Variants in FAT3 observed in about 807,000 individuals in gnomAD.
FAT3 encodes the protein FAT atypical cadherin 3, also known as protocadherin Fat 3.
In FAT3, 95 loss-of-function variants were observed where a neutral mutation model predicts 310.2. That is an observed-to-expected ratio of 0.31 (90% CI 0.26 to 0.36). The LOEUF (loss-of-function observed/expected upper bound fraction) is 0.36. Among genes scored for constraint, FAT3 ranks in the 10% least tolerant of loss-of-function variants. The pLI is 1.00. For synonymous variants in FAT3, 2,314 were observed against 2,192.9 expected (o/e 1.06, Z -1.54); for missense variants, 5,408 against 5,715.6 (o/e 0.95, Z 1.74).
chr11:92,590,669 CT>C (rs1362981715), intron 3 of FAT3, among the ~76,000 whole-genome samples: 1 of 152,110 alleles, frequency 6.6e-6, no homozygotes, highest in Non-Finnish European at 1.5e-5. Context: ...GAAAAATCCT[CT>C]ACTTTGTAAT....
chr11:92,400,859 C>G (rs1949998275), intron 2 of FAT3, among the ~76,000 whole-genome samples: 1 of 152,006 alleles, frequency 6.6e-6, no homozygotes, highest in South Asian at 2.1e-4. Flanking sequence ...TAAGTATGTA[C>G]AGATACTCAC....
At position 92,800,875 on chromosome 11, in the gene FAT3, A is replaced by G; in HGVS notation, c.7862A>G (p.Gln2621Arg). The G allele has an allele frequency of 1.2e-5, 20 of 1,613,358 alleles. No homozygotes were observed. The highest frequency in any genetic ancestry group is 1.7e-5 in the Non-Finnish European group (20 of 1,179,682). The part of the protein sequence containing the change: ...ADVGRGHLVT[Q>R]VQAIDPDDGA... ...GTTGGAAGGGGCCACTTGGTCACTC[A>G]AGTTCAAGCCATAGATCCCGATGAT... The change falls in exon 10 of 28, where the codon CAA (glutamine) becomes CGA (arginine). Residue 2621 changes from glutamine (Q) to arginine (R), a missense_variant. Transcript: ENST00000525166.
intron 2 of FAT3, among the ~76,000 whole-genome samples, chr11:92,368,464 G>A (rs910961914): frequency 7.9e-5 from 12 of 152,126 alleles, no homozygotes; most frequent in African/African-American, 2.4e-5. Flanking sequence ...TTCTGTGTCT[G>A]TGAGTTTTGT....
chr11:92,261,379 T>C (rs1170230696), intron 1 of FAT3, among the ~76,000 whole-genome samples: 8 of 152,208 alleles, frequency 5.3e-5, no homozygotes, highest in African/African-American at 1.9e-4. Context: ...GCATTGTTTG[T>C]AGACTGAATG....
chr11:92,545,225 G>T (rs1235962740), intron 3 of FAT3, among the ~76,000 whole-genome samples: 1 of 152,078 alleles, frequency 6.6e-6, no homozygotes, highest in Non-Finnish European at 1.5e-5. Context: ...CCTCTAACAA[G>T]ATCTTCCTTG....
At chr11:92,231,397 G>A (rs11019878) in intron 1 of FAT3, among the ~76,000 whole-genome samples, 9 of 152,268 alleles carry the variant, frequency 5.9e-5, no homozygotes, top group African/African-American at 1.9e-4. Flanking sequence ...TACCTTGGAC[G>A]TTCTCTATGA....
At position 92,602,281 on chromosome 11, in the gene FAT3, G is replaced by C. The variant is rs527275081; in HGVS notation, c.3607+77333G>C. 5.3e-5 allele frequency among the ~76,000 whole-genome samples: 8 copies of C among 152,116 alleles called. 1 individual carries two copies. The highest frequency in any genetic ancestry group is 1.4e-4 in the African/African-American group (6 of 41,514). On this transcript the variant is annotated intron_variant, in intron 3 of 27. Transcript: ENST00000525166. ...TAGAAGGTTTAGGGTTTTCAGTAGA[G>C]GGTTTACTTCAGAGTTTCACCATGT...
intron 3 of FAT3, among the ~76,000 whole-genome samples, chr11:92,526,861 T>A (rs1229479466): frequency 6.6e-6 from 1 of 152,214 alleles, no homozygotes; most frequent in African/African-American, 2.4e-5. Flanking sequence ...ATATATAGCA[T>A]ACCTTGTAGT....
chr11:92,851,488 G>A (rs1486408135), intron 19 of FAT3, among the ~76,000 whole-genome samples: 1 of 152,072 alleles, frequency 6.6e-6, no homozygotes, highest in East Asian at 1.9e-4. Context: ...ATTAGCCAGG[G>A]CCAAAATCCA....
At chr11:92,720,929 A>G (rs1944841711) in intron 4 of FAT3, among the ~76,000 whole-genome samples, 1 of 152,160 alleles carries the variant, frequency 6.6e-6, no homozygotes, top group Admixed American at 6.6e-5. Flanking sequence ...ATGTTATAGC[A>G]TTCATTTCTT....
intron 19 of FAT3, among the ~76,000 whole-genome samples, 153 bp from the exon 20 acceptor site, chr11:92,857,061 A>G (rs1948997754): frequency 6.6e-6 from 1 of 152,218 alleles, no homozygotes; most frequent in Admixed American, 6.5e-5. Flanking sequence ...AGGTGTGCCT[A>G]CTTCTGAGTG....
intron 4 of FAT3, among the ~76,000 whole-genome samples, chr11:92,742,715 G>A (rs1309166469): frequency 6.6e-6 from 1 of 152,172 alleles, no homozygotes; most frequent in South Asian, 2.1e-4. Context: ...CTGGCCACAT[G>A]ATGGCACCTT....
chr11:92,547,002 TA>T (rs759525551), intron 3 of FAT3, among the ~76,000 whole-genome samples: 3 of 152,208 alleles, frequency 2.0e-5, no homozygotes, highest in Non-Finnish European at 4.4e-5. Flanking sequence ...ATTCACATAA[TA>T]CGTAAGGTCT....
At chr11:92,288,224 A>G (rs932845319) in intron 1 of FAT3, among the ~76,000 whole-genome samples, 2 of 152,190 alleles carry the variant, frequency 1.3e-5, no homozygotes, top group Admixed American at 1.3e-4. Flanking sequence ...GGAAGTCACA[A>G]AAAAACAAAT....
At chr11:92,282,827 T>C (rs575053333) in intron 1 of FAT3, among the ~76,000 whole-genome samples, 5 of 152,158 alleles carry the variant, frequency 3.3e-5, no homozygotes, top group Non-Finnish European at 7.4e-5. Flanking sequence ...CTGTAAACGA[T>C]TGTTTACTTA....
chr11:92,565,566 T>C (rs988148749), intron 3 of FAT3, among the ~76,000 whole-genome samples: 5 of 151,424 alleles, frequency 3.3e-5, no homozygotes, highest in African/African-American at 4.9e-5. Context: ...ATACCAAAGC[T>C]GGGCAGAGAA....
At chr11:92,262,036 G>A (rs1031698407) in intron 1 of FAT3, among the ~76,000 whole-genome samples, 1 of 151,252 alleles carries the variant, frequency 6.6e-6, no homozygotes, top group African/African-American at 2.4e-5. Flanking sequence ...ATGGACTCTA[G>A]CATTGTTCCC....
intron 4 of FAT3, among the ~76,000 whole-genome samples, chr11:92,712,242 CCT>C (rs1272506732): frequency 2.0e-5 from 3 of 152,018 alleles, no homozygotes; most frequent in African/African-American, 7.2e-5. Flanking sequence ...AAGAGCAGCC[CCT>C]GTCTCCCGCC....
At chr11:92,292,323 T>A (rs1946713864) in intron 1 of FAT3, among the ~76,000 whole-genome samples, 1 of 152,214 alleles carries the variant, frequency 6.6e-6, no homozygotes, top group East Asian at 1.9e-4. Flanking sequence ...CATTAAGTTA[T>A]TTTTTAATGA....
Sources: gnomAD v4.1 joint callset for allele counts (sites outside exome capture counted in the v4.1 genomes callset) on GRCh38, gnomAD v4.1.1 for gene constraint, MANE v1.5 for transcripts, NCBI Gene and HGNC (gene_info 2026-07-23, HGNC 2026-07-21) for gene names.